The following NTNG1 variants were observed in gnomAD, a reference collection of about 807,000 sequenced individuals.
NTNG1 encodes the protein netrin G1.
NTNG1 carries 16 observed loss-of-function variants against 54.0 expected under a neutral mutation model. The ratio of observed to expected loss-of-function variants is 0.30; its 90% CI spans 0.20 to 0.45. NTNG1 has a LOEUF of 0.45. NTNG1 is among the 20% of genes least tolerant of loss of function. The pLI is 1.00. For synonymous variants in NTNG1, 255 were observed against 263.1 expected (o/e 0.97, Z 0.30); for missense variants, 530 against 678.7 (o/e 0.78, Z 2.43).
chr1:107,287,032 A>T (rs1665243571), intron 2 of NTNG1, among the ~76,000 whole-genome samples: 1 of 152,150 alleles, frequency 6.6e-6, no homozygotes, highest in Admixed American at 6.6e-5. Flanking sequence ...AGCCATTTAC[A>T]GCTGCATTTG....
At chr1:107,143,120 C>T (rs188955088) in intron 1 of NTNG1, 2 of 152,104 alleles carry the variant, frequency 1.3e-5, no homozygotes, top group Non-Finnish European at 2.9e-5. Flanking sequence ...CCACTGAAGA[C>T]CACCATGAAG....
At chr1:107,380,667 G>T (rs900445706) in intron 3 of NTNG1, among the ~76,000 whole-genome samples, 2 of 152,094 alleles carry the variant, frequency 1.3e-5, no homozygotes, top group African/African-American at 4.8e-5. Flanking sequence ...CGAGGAGATA[G>T]AATTAGATAA....
intron 3 of NTNG1, among the ~76,000 whole-genome samples, chr1:107,383,953 T>C (rs1279489725): frequency 1.3e-5 from 2 of 152,248 alleles, no homozygotes; most frequent in Non-Finnish European, 1.5e-5. Context: ...TTAGTTTTAA[T>C]TTAACAAGCC....
chr1:107,360,239 A>G (rs1570761046), intron 3 of NTNG1, among the ~76,000 whole-genome samples: 2 of 152,250 alleles, frequency 1.3e-5, no homozygotes, highest in African/African-American at 2.4e-5. Context: ...AGGCAGTGAT[A>G]TATACCATGA....
At chr1:107,421,167 G>A (rs1674551735) in intron 5 of NTNG1, 1 of 1,508,396 alleles carries the variant, frequency 6.6e-7, no homozygotes, top group Non-Finnish European at 9.2e-7. Context: ...GATTCATACA[G>A]TGATTTCATG....
At chr1:107,312,053 C>T (rs1376955401) in intron 2 of NTNG1, among the ~76,000 whole-genome samples, 2 of 152,054 alleles carry the variant, frequency 1.3e-5, no homozygotes, top group African/African-American at 2.4e-5. Flanking sequence ...AGTCAGATTT[C>T]GGTTGTAGAA....
In NTNG1 at chr1:107,148,282, C is replaced by A; in HGVS notation, c.-312C>A. On this transcript the variant is annotated 5_prime_UTR_variant, in exon 2 of 8. Coordinates refer to ENST00000370068, the MANE Select transcript of NTNG1 (RefSeq NM_001113226.3). ...GCAATTGGACATCTTTTACAAAAAC[C>A]AAACTAGACCTGAGTCTAATAGATA... 4.4e-6 allele frequency: 1 copy of A among 225,186 alleles called. No homozygotes were observed. Among genetic ancestry groups the A allele is most frequent in the Non-Finnish European group, 8.7e-6 (1 of 114,414 alleles). The allele number at this position is 225,186 out of a possible 1,614,324, so 13.9% of individuals were successfully genotyped here. A position where few individuals can be genotyped will look rare whatever the true frequency, so the allele number is the denominator to read the frequency against.
chr1:107,344,294 A>C (rs777670891), intron 3 of NTNG1, among the ~76,000 whole-genome samples: 2 of 152,196 alleles, frequency 1.3e-5, no homozygotes, highest in Non-Finnish European at 2.9e-5. Flanking sequence ...GTTTTTATGG[A>C]AAAAGAAATG....
intron 2 of NTNG1, among the ~76,000 whole-genome samples, chr1:107,189,470 AAG>A (rs1453121916): frequency 2.8e-4 from 43 of 151,802 alleles, no homozygotes; most frequent in Admixed American, 2.8e-3. Context: ...TGAAAAAAAA[AAG>A]GCGGGGGAGG....
chr1:107,297,247 G>GCA (rs1491351534), intron 2 of NTNG1, among the ~76,000 whole-genome samples: 236 of 9,980 alleles, frequency 0.024, 3 homozygotes, highest in East Asian at 0.1. Flanking sequence ...ATATATATAT[G>GCA]CGCACACACA....
At chr1:107,232,331 G>A (rs1018917437) in intron 2 of NTNG1, among the ~76,000 whole-genome samples, 2 of 152,158 alleles carry the variant, frequency 1.3e-5, no homozygotes, top group Admixed American at 6.5e-5. Flanking sequence ...ACCACAAAAT[G>A]ACTGCTTAAA....
At chr1:107,437,218 C>T (rs1191620706) in intron 7 of NTNG1, among the ~76,000 whole-genome samples, 1 of 152,136 alleles carries the variant, frequency 6.6e-6, no homozygotes, top group African/African-American at 2.4e-5. Context: ...TTATTACTAC[C>T]CTTGCTATCA....
chr1:107,175,631 G>A (rs939075655), intron 2 of NTNG1, among the ~76,000 whole-genome samples: 47 of 151,788 alleles, frequency 3.1e-4, no homozygotes, highest in African/African-American at 1.1e-3. Flanking sequence ...TCTAAGAAAG[G>A]CAAGTTACAA....
At chr1:107,434,336 G>C (rs1675465551) in intron 6 of NTNG1, among the ~76,000 whole-genome samples, 1 of 152,116 alleles carries the variant, frequency 6.6e-6, no homozygotes, top group Non-Finnish European at 1.5e-5. Context: ...TGGTGAATTT[G>C]CCCATTTTTT....
Position 107,483,299 on chromosome 1 carries a change from A to G in NTNG1, c.*2459A>G, listed in dbSNP as rs1444424016. ...TTCCAAAAGCTAATTCTAAAATTTAATGAAGGCCTGATTTAAACTGATTCA... is the reference window on the plus strand; with the variant it reads ...TTCCAAAAGCTAATTCTAAAATTTAGTGAAGGCCTGATTTAAACTGATTCA... On this transcript the variant is annotated 3_prime_UTR_variant, in exon 8 of 8. Coordinates refer to ENST00000370068, the MANE Select transcript of NTNG1 (RefSeq NM_001113226.3). 1.3e-5 allele frequency: 2 copies of G among 152,234 alleles called. No homozygotes were observed. The highest frequency in any genetic ancestry group is 4.8e-5 in the African/African-American group (2 of 41,462). 9.4% of individuals were successfully genotyped at this position (152,234 alleles called of 1,614,324 possible). A position where few individuals can be genotyped will look rare whatever the true frequency, so the allele number is the denominator to read the frequency against.
chr1:107,362,086 A>G (rs1670336485), intron 3 of NTNG1, among the ~76,000 whole-genome samples: 1 of 152,012 alleles, frequency 6.6e-6, no homozygotes, highest in South Asian at 2.1e-4. Flanking sequence ...CCACCATCAC[A>G]ATCTCCTTGG....
chr1:107,400,500 AG>A (rs1213479803), intron 4 of NTNG1, among the ~76,000 whole-genome samples: 1 of 152,204 alleles, frequency 6.6e-6, no homozygotes, highest in Admixed American at 6.5e-5. Context: ...ATGCAGACAC[AG>A]AAAGGTTAAG....
At chr1:107,295,952 C>T (rs76022620) in intron 2 of NTNG1, among the ~76,000 whole-genome samples, 6,142 of 152,084 alleles carry the variant, frequency 0.04, 408 homozygotes, top group African/African-American at 0.14. Flanking sequence ...ACTTCATATG[C>T]CCTTGACCCA....
intron 5 of NTNG1, among the ~76,000 whole-genome samples, chr1:107,410,836 T>C (rs1673751705): frequency 6.6e-6 from 1 of 152,160 alleles, no homozygotes; most frequent in Admixed American, 6.6e-5. Context: ...ATTACACAAA[T>C]TATGTTAAAC....
Sources: gnomAD v4.1 joint callset for allele counts (sites outside exome capture counted in the v4.1 genomes callset) on GRCh38, gnomAD v4.1.1 for gene constraint, MANE v1.5 for transcripts, NCBI Gene and HGNC (gene_info 2026-07-23, HGNC 2026-07-21) for gene names.